Variants in LRRC4C observed in about 807,000 individuals in gnomAD.
The protein encoded by LRRC4C is leucine rich repeat containing 4C.
In LRRC4C, 5 loss-of-function variants were observed where a neutral mutation model predicts 33.6. The observed-to-expected ratio is 0.15, with a 90% CI of 0.08 to 0.31. LRRC4C has a LOEUF of 0.31. Ranked by LOEUF, LRRC4C falls within the 10% of genes least tolerant of loss-of-function variation. LRRC4C has a pLI of 1.00. For synonymous variants in LRRC4C, 329 were observed against 302.0 expected (o/e 1.09, Z -0.93); for missense variants, 560 against 796.7 (o/e 0.70, Z 3.58).
intron 2 of LRRC4C, among the ~76,000 whole-genome samples, chr11:40,770,375 T>C (rs1344211971): frequency 1.3e-5 from 2 of 152,156 alleles, no homozygotes; most frequent in African/African-American, 2.4e-5. Flanking sequence ...GCCCCTATGA[T>C]AGAATCACCA....
At chr11:40,985,933 C>A (rs1852958568) in intron 1 of LRRC4C, among the ~76,000 whole-genome samples, 2 of 151,912 alleles carry the variant, frequency 1.3e-5, no homozygotes, top group South Asian at 4.1e-4. Context: ...TTAACCTACT[C>A]TCAAGGTATT....
intron 2 of LRRC4C, among the ~76,000 whole-genome samples, chr11:40,808,464 T>A (rs1591775553): frequency 6.6e-6 from 1 of 152,266 alleles, no homozygotes; most frequent in East Asian, 1.9e-4. Flanking sequence ...CTGAAGTAAT[T>A]CAATTGTAGC....
At chr11:40,794,781 T>A (rs1160956503) in intron 2 of LRRC4C, among the ~76,000 whole-genome samples, 1 of 152,090 alleles carries the variant, frequency 6.6e-6, no homozygotes, top group Non-Finnish European at 1.5e-5. Context: ...GCCAGGAGTG[T>A]AGGGAAACAA....
At chr11:40,745,931 A>C (rs989413454) in intron 2 of LRRC4C, among the ~76,000 whole-genome samples, 1 of 152,208 alleles carries the variant, frequency 6.6e-6, no homozygotes, top group Non-Finnish European at 1.5e-5. Context: ...AAAATGGCTG[A>C]CCAGATGCAT....
chr11:41,196,928 T>G (rs1275060615), intron 1 of LRRC4C, among the ~76,000 whole-genome samples: 1 of 152,050 alleles, frequency 6.6e-6, no homozygotes, highest in Non-Finnish European at 1.5e-5. Context: ...TATTCCCATG[T>G]CAGACACAAT....
intron 1 of LRRC4C, among the ~76,000 whole-genome samples, chr11:41,322,072 C>T (rs1260065046): frequency 2.0e-5 from 3 of 151,956 alleles, no homozygotes; most frequent in Non-Finnish European, 4.4e-5. Context: ...ACCATGTTGG[C>T]CAGGCTGGTC....
chr11:41,179,067 C>CA (rs1249193578), intron 1 of LRRC4C, among the ~76,000 whole-genome samples: 1 of 151,824 alleles, frequency 6.6e-6, no homozygotes, highest in Non-Finnish European at 1.5e-5. Context: ...ATTTGGATAG[C>CA]ACTGGTGCAG....
Position 40,207,075 on chromosome 11 carries a change from G to T in LRRC4C, c.-96+34444C>A, listed in dbSNP as rs527808833. Among the ~76,000 whole-genome samples, 11 of 152,216 alleles carry T rather than the reference G, an allele frequency of 7.2e-5. 1 individual carries two copies. The South Asian group carries it at 2.3e-3, about 32-fold the overall frequency. On this transcript the variant is annotated intron_variant, in intron 5 of 6. Transcript: ENST00000528697. ...ATCTCTCAGACCCCAAATCATTTCA[G>T]TTCCAGAAAGAAGGCCAATATTCAC...
chr11:41,107,296 T>C (rs1205100079), intron 1 of LRRC4C, among the ~76,000 whole-genome samples: 7 of 152,074 alleles, frequency 4.6e-5, no homozygotes, highest in Admixed American at 4.6e-4. Flanking sequence ...CAGCTTATGA[T>C]ACAAACATTT....
intron 1 of LRRC4C, among the ~76,000 whole-genome samples, chr11:41,233,763 T>C (rs1947903638): frequency 6.6e-6 from 1 of 152,078 alleles, no homozygotes; most frequent in Admixed American, 6.6e-5. Flanking sequence ...TCATCATATA[T>C]TTCTATGACT....
At chr11:41,355,889 A>G (rs1390877603) in intron 1 of LRRC4C, among the ~76,000 whole-genome samples, 2 of 152,106 alleles carry the variant, frequency 1.3e-5, no homozygotes, top group African/African-American at 4.8e-5. Flanking sequence ...TCTAATTAAT[A>G]TGTCAAACCA....
chr11:40,616,923 C>CAAA (rs949895416), intron 3 of LRRC4C, among the ~76,000 whole-genome samples: 14 of 143,920 alleles, frequency 9.7e-5, no homozygotes, highest in African/African-American at 3.6e-4. Context: ...AAAAAACTGC[C>CAAA]AAAAAAAAAA....
At chr11:40,605,720 A>G (rs1177125508) in intron 3 of LRRC4C, among the ~76,000 whole-genome samples, 1 of 152,168 alleles carries the variant, frequency 6.6e-6, no homozygotes, top group Non-Finnish European at 1.5e-5. Context: ...GCACTGACAG[A>G]AAAGGGCACC....
At chr11:41,341,695 G>A (rs1951644526) in intron 1 of LRRC4C, among the ~76,000 whole-genome samples, 1 of 152,166 alleles carries the variant, frequency 6.6e-6, no homozygotes, top group African/African-American at 2.4e-5. Flanking sequence ...GCTAAAGAAT[G>A]CAAGCCCCAA....
chr11:40,354,593 G>T (rs932922711), intron 3 of LRRC4C, among the ~76,000 whole-genome samples: 1 of 152,034 alleles, frequency 6.6e-6, no homozygotes, highest in African/African-American at 2.4e-5. Flanking sequence ...CTTCAAGCAG[G>T]AGTCTCTCCT....
At chr11:40,969,690 A>G (rs1851592032) in intron 1 of LRRC4C, among the ~76,000 whole-genome samples, 1 of 152,208 alleles carries the variant, frequency 6.6e-6, no homozygotes, top group Admixed American at 6.6e-5. Context: ...ATACTAAGGT[A>G]TATACACTAT....
intron 3 of LRRC4C, among the ~76,000 whole-genome samples, chr11:40,339,250 T>C (rs1946761326): frequency 6.6e-6 from 1 of 152,214 alleles, no homozygotes; most frequent in African/African-American, 2.4e-5. Flanking sequence ...ATCTTTTCTT[T>C]GGACAGTCTA....
intron 2 of LRRC4C, among the ~76,000 whole-genome samples, chr11:40,889,180 A>G (rs756241858): frequency 2.6e-5 from 4 of 152,060 alleles, no homozygotes; most frequent in African/African-American, 4.8e-5. Context: ...AAAGAGTTAG[A>G]TATGTTCAGG....
In LRRC4C at chr11:41,326,036, T is replaced by C. The variant is rs542557018; in HGVS notation, c.-496+133395A>G. Among the ~76,000 whole-genome samples, 9 of 152,162 alleles carry C rather than the reference T, an allele frequency of 5.9e-5. No homozygotes were observed. The East Asian group carries it at 1.7e-3, about 30-fold the overall frequency. On this transcript the variant is annotated intron_variant, in intron 1 of 6. Transcript: ENST00000528697. ...TGATTGAATTGAAGGATGCAAAGCA[T>C]TGTTCTTGGGTGTGTCTGTGAGGGT...
Sources: gnomAD v4.1 joint callset for allele counts (sites outside exome capture counted in the v4.1 genomes callset) on GRCh38, gnomAD v4.1.1 for gene constraint, MANE v1.5 for transcripts, NCBI Gene and HGNC (gene_info 2026-07-23, HGNC 2026-07-21) for gene names.